CCDC88A: variants seen among roughly 807,000 people sequenced by gnomAD.
CCDC88A encodes the protein girdin.
Under a neutral mutation model 234.3 loss-of-function variants are expected in CCDC88A, and 54 were observed. The ratio of observed to expected loss-of-function variants is 0.23; its 90% CI spans 0.19 to 0.29. The LOEUF (loss-of-function observed/expected upper bound fraction) is 0.29. Among genes scored for constraint, CCDC88A ranks in the 10% least tolerant of loss-of-function variants. CCDC88A has a pLI of 1.00. For missense variants in CCDC88A, 1,832 were observed against 2,123.4 expected (o/e 0.86, Z 2.70); for synonymous variants, 753 against 737.8 (o/e 1.02, Z -0.33).
intron 2 of CCDC88A, among the ~76,000 whole-genome samples, chr2:55,393,447 C>T (rs201940727): frequency 1.3e-5 from 2 of 151,528 alleles, no homozygotes; most frequent in Non-Finnish European, 2.9e-5. Context: ...CGTGCCACCA[C>T]GCCCGGCTAA....
intron 25 of CCDC88A, among the ~76,000 whole-genome samples, chr2:55,305,037 C>A (rs1227231360): frequency 6.6e-6 from 1 of 152,114 alleles, no homozygotes; most frequent in Non-Finnish European, 1.5e-5. Context: ...TTAGTTTGAC[C>A]TATTTCTTTT....
At chr2:55,387,306 G>C (rs1367203037) in intron 3 of CCDC88A, among the ~76,000 whole-genome samples, 1 of 148,456 alleles carries the variant, frequency 6.7e-6, no homozygotes, top group Non-Finnish European at 1.5e-5. Flanking sequence ...AGTCATAAAA[G>C]AGAATGACTA....
At chr2:55,356,988 T>G (rs1315757374) in intron 7 of CCDC88A, among the ~76,000 whole-genome samples, 1 of 152,218 alleles carries the variant, frequency 6.6e-6, no homozygotes, top group East Asian at 1.9e-4. Flanking sequence ...CTGTATGCAC[T>G]GGGACAGCCC....
intron 2 of CCDC88A, among the ~76,000 whole-genome samples, chr2:55,414,977 G>C (rs921853770): frequency 2.0e-5 from 3 of 150,574 alleles, no homozygotes; most frequent in East Asian, 2.0e-4. Context: ...TGAGGCAGGA[G>C]AATGGCGTGA....
intron 22 of CCDC88A, chr2:55,315,539 A>G (rs1216772245): frequency 6.5e-6 from 1 of 153,616 alleles, no homozygotes; most frequent in African/African-American, 2.4e-5. Context: ...ATACCATCCT[A>G]TAATTTATTT....
At chr2:55,351,032 T>C (rs1669808478) in intron 8 of CCDC88A, among the ~76,000 whole-genome samples, 1 of 152,260 alleles carries the variant, frequency 6.6e-6, no homozygotes, top group Non-Finnish European at 1.5e-5. Flanking sequence ...CCATTTTTCA[T>C]TGTACTATAT....
intron 13 of CCDC88A, among the ~76,000 whole-genome samples, chr2:55,338,459 T>G (rs780781561): frequency 1.8e-4 from 27 of 152,202 alleles, no homozygotes; most frequent in Non-Finnish European, 1.3e-4. Context: ...GGATTCTATT[T>G]ATGTAGAATT....
intron 9 of CCDC88A, among the ~76,000 whole-genome samples, chr2:55,348,156 G>C (rs1669409213): frequency 6.6e-6 from 1 of 151,124 alleles, no homozygotes; most frequent in Non-Finnish European, 1.5e-5. Context: ...GTAGCGATGA[G>C]GTTTTGTCAC....
chr2:55,309,273 CT>C lies in CCDC88A; in HGVS notation c.4080-20del. ...CTTATCACTATAAAATAAAAATTAC[CT>C]TTTAGGACAGGCATCATATTTTGTA... On this transcript the variant is annotated intron_variant, in intron 23 of 32. Coordinates refer to ENST00000436346, the MANE Select transcript of CCDC88A (RefSeq NM_001365480.1). This position sits in a 1 kb window ranked among gnomAD's most constrained non-coding sequence, Gnocchi z 5.1. The C allele has an allele frequency of 8.9e-7, 1 of 1,122,024 alleles. No homozygotes were observed. The highest frequency in any genetic ancestry group is 1.3e-6 in the Non-Finnish European group (1 of 759,472). The allele number at this position is 1,122,024 out of a possible 1,614,324, so 69.5% of individuals were successfully genotyped here.
chr2:55,307,976 C>CTTTTTT (rs35845333), intron 25 of CCDC88A: 1 of 98,276 alleles, frequency 1.0e-5, no homozygotes, highest in Non-Finnish European at 2.1e-5. Flanking sequence ...TTCTTTCTTT[C>CTTTTTT]TTTTTTTTTT....
intron 3 of CCDC88A, among the ~76,000 whole-genome samples, chr2:55,380,517 T>C (rs1256478323): frequency 6.6e-6 from 1 of 152,138 alleles, no homozygotes; most frequent in Non-Finnish European, 1.5e-5. Context: ...AATAAGCAGA[T>C]GTTCCTTGAA....
At chr2:55,333,066 C>A (rs1489164021) in intron 15 of CCDC88A, among the ~76,000 whole-genome samples, 2 of 152,122 alleles carry the variant, frequency 1.3e-5, no homozygotes, top group African/African-American at 2.4e-5. Context: ...CCCACAAGAT[C>A]CCTTCTCCCA....
intron 8 of CCDC88A, chr2:55,350,275 C>G (rs1669704988): frequency 6.6e-6 from 1 of 152,168 alleles, no homozygotes; most frequent in Non-Finnish European, 1.5e-5. Flanking sequence ...GTAAGGGTCT[C>G]CAACTATTTT....
chr2:55,328,184 G>A lies in CCDC88A; in HGVS notation c.2997+110C>T. ...CAAGTTTATGAAAAAGGAAGAAATA[G>A]ACTAAATATCAATAAAATGTTTATA... On this transcript the variant is annotated intron_variant, in intron 17 of 32. Coordinates refer to ENST00000436346, the MANE Select transcript of CCDC88A (RefSeq NM_001365480.1). The surrounding 1 kb of genome is among the most constrained non-coding windows in gnomAD (Gnocchi z 4.3). 4.7e-6 allele frequency: 4 copies of A among 843,476 alleles called. No individual in the cohort carries two copies. Among genetic ancestry groups the A allele is most frequent in the Non-Finnish European group, 7.3e-6 (4 of 547,776 alleles). 52.2% of individuals were successfully genotyped at this position (843,476 alleles called of 1,614,324 possible). A position where few individuals can be genotyped will look rare whatever the true frequency, so the allele number is the denominator to read the frequency against.
At chr2:55,348,859 T>A (rs1251824351) in intron 9 of CCDC88A, 1 of 152,190 alleles carries the variant, frequency 6.6e-6, no homozygotes, top group African/African-American at 2.4e-5. Flanking sequence ...CAGTTTATGA[T>A]CCTACAATTA....
chr2:55,368,222 C>G (rs1672302354), intron 5 of CCDC88A, among the ~76,000 whole-genome samples: 1 of 152,044 alleles, frequency 6.6e-6, no homozygotes, highest in African/African-American at 2.4e-5. Context: ...ACAAAAATAC[C>G]CAAGCCCTGG....
At chr2:55,326,844 T>C (rs1445888000) in intron 17 of CCDC88A, among the ~76,000 whole-genome samples, 1 of 152,220 alleles carries the variant, frequency 6.6e-6, no homozygotes, top group Non-Finnish European at 1.5e-5. Context: ...GTGCTGGGAT[T>C]ACAGGCGTGA....
intron 3 of CCDC88A, among the ~76,000 whole-genome samples, chr2:55,379,126 A>C (rs1674178401): frequency 6.6e-6 from 1 of 152,164 alleles, no homozygotes; most frequent in African/African-American, 2.4e-5. Context: ...AATATACAAG[A>C]CATAAAAGAG....
chr2:55,364,983 G>C (rs1372886385), intron 5 of CCDC88A, among the ~76,000 whole-genome samples: 1 of 152,010 alleles, frequency 6.6e-6, no homozygotes, highest in African/African-American at 2.4e-5. Context: ...TTACAAACTA[G>C]CTCTTTGATC....
Sources: allele counts gnomAD v4.1 joint callset (sites outside exome capture counted in the v4.1 genomes callset), GRCh38; gene constraint gnomAD v4.1.1; non-coding constraint Gnocchi (gnomAD v3.1); transcripts MANE v1.5; gene names NCBI Gene and HGNC (gene_info 2026-07-23, HGNC 2026-07-21).